Variants in CDH4 observed in about 807,000 individuals in gnomAD.
CDH4 encodes the protein cadherin 4.
A neutral mutation model predicts 86.0 loss-of-function variants in CDH4; 33 were observed. The observed-to-expected ratio is 0.38, with a 90% CI of 0.29 to 0.51. The LOEUF is 0.51. CDH4 is among the 20% of genes least tolerant of loss of function. CDH4 has a pLI of 0.86. For synonymous variants in CDH4, 555 were observed against 549.4 expected, an observed-to-expected ratio of 1.01 and a Z score of -0.14; for missense variants, 1,114 against 1,307.4, an observed-to-expected ratio of 0.85 and a Z score of 2.28.
At chr20:61,773,953 A>C (rs1267760323) in intron 4 of CDH4, among the ~76,000 whole-genome samples, 1 of 152,142 alleles carries the variant, frequency 6.6e-6, no homozygotes, top group East Asian at 1.9e-4. Flanking sequence ...CAGAGATGGG[A>C]GGAAGAGAGC....
intron 2 of CDH4, among the ~76,000 whole-genome samples, chr20:61,306,953 G>A (rs543912206): frequency 6.6e-6 from 1 of 152,278 alleles, no homozygotes; most frequent in Admixed American, 6.5e-5. Flanking sequence ...TTCCTCCTTG[G>A]TGTGGCTATG....
In CDH4 at chr20:61,286,874, T is replaced by G. The variant is rs530621064; in HGVS notation, c.169+31937T>G. Among the ~76,000 whole-genome samples the G allele has an allele frequency of 2.0e-5, 3 of 152,352 alleles. No homozygotes were observed. In the East Asian group the frequency reaches 5.8e-4, roughly 29 times the overall value. ...CTGTGTGACTGGCATTTGCCTGAAG[T>G]TTAATATCAAGTAGGCCAGATGGAA... On this transcript the variant is annotated intron_variant, in intron 2 of 15. Coordinates refer to ENST00000614565, the MANE Select transcript of CDH4 (RefSeq NM_001794.5).
At chr20:61,880,817 A>G (rs1418063696) in intron 7 of CDH4, among the ~76,000 whole-genome samples, 2 of 152,194 alleles carry the variant, frequency 1.3e-5, no homozygotes, top group Non-Finnish European at 1.5e-5. Flanking sequence ...GGCGCCCACC[A>G]CTGCTGTCTC....
intron 2 of CDH4, among the ~76,000 whole-genome samples, chr20:61,461,641 G>T (rs1026905174): frequency 6.6e-6 from 1 of 152,096 alleles, no homozygotes; most frequent in African/African-American, 2.4e-5. Context: ...AGTGAGGGGC[G>T]ATTACATTTT....
intron 2 of CDH4, among the ~76,000 whole-genome samples, chr20:61,449,912 A>C (rs1461690765): frequency 6.6e-6 from 1 of 152,302 alleles, no homozygotes; most frequent in South Asian, 2.1e-4. Flanking sequence ...CTTTCTTTCA[A>C]TTATCCTATC....
At chr20:61,355,236 A>G (rs986932868) in intron 2 of CDH4, among the ~76,000 whole-genome samples, 2 of 152,206 alleles carry the variant, frequency 1.3e-5, no homozygotes, top group African/African-American at 4.8e-5. Flanking sequence ...CTCTGAGTCA[A>G]GGGGGTGACC....
At chr20:61,405,805 C>T (rs1444096499) in intron 2 of CDH4, among the ~76,000 whole-genome samples, 9 of 151,894 alleles carry the variant, frequency 5.9e-5, no homozygotes, top group Admixed American at 5.2e-4. Flanking sequence ...GCCATTCTCC[C>T]GAGTAGCTGG....
At chr20:61,502,811 TG>T (rs2085714100) in intron 2 of CDH4, among the ~76,000 whole-genome samples, 1 of 152,226 alleles carries the variant, frequency 6.6e-6, no homozygotes, top group Non-Finnish European at 1.5e-5. Flanking sequence ...TACTCTGTAC[TG>T]GGGCTCCTGA....
chr20:61,867,323 G>A (rs907878326), intron 6 of CDH4, among the ~76,000 whole-genome samples: 2 of 152,206 alleles, frequency 1.3e-5, no homozygotes, highest in Non-Finnish European at 2.9e-5. Context: ...GCCAAGGCAG[G>A]TGGATCACCT....
intron 2 of CDH4, among the ~76,000 whole-genome samples, chr20:61,604,227 C>G (rs1334179529): frequency 6.6e-6 from 1 of 152,242 alleles, no homozygotes; most frequent in Non-Finnish European, 1.5e-5. Context: ...GAGTCAGTGA[C>G]TGTCTCCGGA....
rs147383893 is a variant in CDH4, at chr20:61,676,205, A to G, written c.170-67358A>G. Among the ~76,000 whole-genome samples the G allele has an allele frequency of 3.9e-3, 592 of 152,302 alleles. 3 individuals are homozygous for G. Among genetic ancestry groups the G allele is most frequent in the African/African-American group, 0.013 (560 of 41,558 alleles). ...ACATCCTTCCGTCATTCCCATTAAC[A>G]TTCGCCTGGTGTCAGGAACGGTCAG... is the stretch of plus-strand genomic sequence containing the variant. On this transcript the variant is annotated intron_variant, in intron 2 of 15. Coordinates refer to ENST00000614565, the MANE Select transcript of CDH4 (RefSeq NM_001794.5). This position sits in a 1 kb window ranked among gnomAD's most constrained non-coding sequence, Gnocchi z 4.5.
At chr20:61,399,119 C>CTTTTTTTTTT (rs926368033) in intron 2 of CDH4, among the ~76,000 whole-genome samples, 1 of 77,054 alleles carries the variant, frequency 1.3e-5, no homozygotes, top group African/African-American at 6.4e-5. Flanking sequence ...GAAAAACCCA[C>CTTTTTTTTTT]TTTTTTTTTT....
At chr20:61,363,524 C>G (rs1361427213) in intron 2 of CDH4, among the ~76,000 whole-genome samples, 3 of 152,036 alleles carry the variant, frequency 2.0e-5, no homozygotes, top group Non-Finnish European at 4.4e-5. Context: ...ATAAAGAAGT[C>G]CTGGACTCAA....
chr20:61,772,191 G>GCAC (rs145606694), intron 3 of CDH4, among the ~76,000 whole-genome samples: 2,231 of 152,246 alleles, frequency 0.015, 53 homozygotes, highest in African/African-American at 0.051. Flanking sequence ...AGAGATGAAG[G>GCAC]CACTTTGCCC....
rs200872757 is a variant in CDH4, at chr20:61,540,274, GA to G, written c.170-203280del. On this transcript the variant is annotated intron_variant, in intron 2 of 15. Coordinates refer to ENST00000614565, the MANE Select transcript of CDH4 (RefSeq NM_001794.5). ...AATGGAAGAATTTCCTTTATTGAAAGAAAAAAAAATTACCTATGAAATCCAG... is the reference window on the plus strand; with the variant it reads ...AATGGAAGAATTTCCTTTATTGAAAGAAAAAAAATTACCTATGAAATCCAG... Among the ~76,000 whole-genome samples, 262 of 151,654 alleles carry G rather than the reference GA, an allele frequency of 1.7e-3. 1 individual carries two copies. The highest frequency in any genetic ancestry group is 3.1e-3 in the African/African-American group (129 of 41,356).
At chr20:61,863,076 T>C (rs1205936850) in intron 6 of CDH4, among the ~76,000 whole-genome samples, 2 of 152,162 alleles carry the variant, frequency 1.3e-5, no homozygotes, top group African/African-American at 4.8e-5. Context: ...AGAAAGCCAA[T>C]TATGGGGCTG....
chr20:61,749,015 A>G (rs2088453927), intron 3 of CDH4, among the ~76,000 whole-genome samples: 1 of 152,218 alleles, frequency 6.6e-6, no homozygotes, highest in African/African-American at 2.4e-5. Context: ...TATAAGGCTA[A>G]AGTTTAGCAG....
At chr20:61,273,212 G>T (rs1173588076) in intron 2 of CDH4, among the ~76,000 whole-genome samples, 2 of 133,920 alleles carry the variant, frequency 1.5e-5, no homozygotes, top group Admixed American at 1.5e-4. Flanking sequence ...CGCAGTTTGG[G>T]AGAGTACCTT....
intron 4 of CDH4, among the ~76,000 whole-genome samples, chr20:61,816,158 C>G (rs1033948654): frequency 2.5e-4 from 38 of 152,324 alleles, no homozygotes; most frequent in Non-Finnish European, 4.6e-4. Flanking sequence ...TGGGAAGAAG[C>G]AGGTTATCTC....
Sources: gnomAD v4.1 joint callset for allele counts (sites outside exome capture counted in the v4.1 genomes callset) on GRCh38, gnomAD v4.1.1 for gene constraint, Gnocchi (gnomAD v3.1) non-coding constraint, MANE v1.5 for transcripts, NCBI Gene and HGNC (gene_info 2026-07-23, HGNC 2026-07-21) for gene names.